The following KPNA6 variants were observed in gnomAD, a reference collection of about 807,000 sequenced individuals.
KPNA6 encodes karyopherin subunit alpha 6.
Under a neutral mutation model 72.0 loss-of-function variants are expected in KPNA6, and 9 were observed. The ratio of observed to expected loss-of-function variants is 0.13; its 90% CI spans 0.08 to 0.22. The LOEUF (loss-of-function observed/expected upper bound fraction) is 0.22. Among genes scored for constraint, KPNA6 ranks in the 10% least tolerant of loss-of-function variants. KPNA6 has a pLI of 1.00. For missense variants in KPNA6, 374 were observed against 655.7 expected (o/e 0.57, Z 4.69); for synonymous variants, 219 against 242.1 (o/e 0.90, Z 0.89).
intron 1 of KPNA6, among the ~76,000 whole-genome samples, chr1:32,152,610 C>A (rs1341933941): frequency 1.3e-5 from 2 of 152,050 alleles, no homozygotes; most frequent in Admixed American, 6.6e-5. Flanking sequence ...CTTTGGGAGG[C>A]CGAGGCAGGT....
rs1162928871 is a variant in KPNA6, at chr1:32,171,090, C to T, written c.*196C>T. The T allele has an allele frequency of 2.1e-5, 12 of 583,354 alleles. No homozygotes were observed. In the East Asian group the frequency reaches 3.4e-4, roughly 16 times the overall value. The allele number at this position is 583,354 out of a possible 1,614,324, so 36.1% of individuals were successfully genotyped here. ...TGGACAGACAGAACCATCTGAGGCTCACCTTTGGGTTTTGTGACAAGAAGG... is the reference window on the plus strand; with the variant it reads ...TGGACAGACAGAACCATCTGAGGCTTACCTTTGGGTTTTGTGACAAGAAGG... On this transcript the variant is annotated 3_prime_UTR_variant, in exon 14 of 14. Transcript: ENST00000373625.
intron 1 of KPNA6, chr1:32,142,875 C>T: frequency 8.8e-7 from 1 of 1,140,072 alleles, no homozygotes; most frequent in Non-Finnish European, 1.2e-6. Context: ...CCAGTGAAGT[C>T]ATAAGCAAAT....
In KPNA6 at chr1:32,173,173, TAAAAAAAA is replaced by T. The variant is rs60616241; in HGVS notation, c.*2293_*2300del. On this transcript the variant is annotated 3_prime_UTR_variant, in exon 14 of 14. Transcript: ENST00000373625. The stretch of plus-strand genomic sequence containing the variant: ...ATTAAAAAACCATTCTCTTACAGTT[TAAAAAAAA>T]AAAAAAAAAAAAAGCCTTCCCCTAC... 4.7e-5 allele frequency: 15 copies of T among 320,142 alleles called. No individual in the cohort carries two copies. Among genetic ancestry groups the T allele is most frequent in the African/African-American group, 3.7e-4 (12 of 32,770 alleles). The allele number at this position is 320,142 out of a possible 1,614,324, so 19.8% of individuals were successfully genotyped here. A position where few individuals can be genotyped will look rare whatever the true frequency, so the allele number is the denominator to read the frequency against.
At chr1:32,112,166 T>C (rs1641252882) in intron 1 of KPNA6, among the ~76,000 whole-genome samples, 1 of 152,218 alleles carries the variant, frequency 6.6e-6, no homozygotes, top group Admixed American at 6.6e-5. Flanking sequence ...TGCCAGCTTT[T>C]ATTTTATTAT....
chr1:32,143,647 A>G (rs1380706149), intron 1 of KPNA6, among the ~76,000 whole-genome samples: 8 of 152,060 alleles, frequency 5.3e-5, no homozygotes, highest in African/African-American at 1.9e-4. Context: ...ATTTAAGTGT[A>G]CAATACAGTG....
intron 1 of KPNA6, among the ~76,000 whole-genome samples, chr1:32,145,482 G>A (rs1641914575): frequency 6.6e-6 from 1 of 151,626 alleles, no homozygotes; most frequent in Non-Finnish European, 1.5e-5. Flanking sequence ...CCGCCACCAT[G>A]CCTGGCTAAT....
At chr1:32,163,575 T>C (rs1642280677) in intron 10 of KPNA6, among the ~76,000 whole-genome samples, 1 of 152,246 alleles carries the variant, frequency 6.6e-6, no homozygotes, top group Non-Finnish European at 1.5e-5. Flanking sequence ...GTGGAATAAC[T>C]GGACTTACCA....
intron 1 of KPNA6, among the ~76,000 whole-genome samples, chr1:32,150,749 C>T (rs1642016818): frequency 6.6e-6 from 1 of 152,116 alleles, no homozygotes; most frequent in Admixed American, 6.5e-5. Flanking sequence ...GCCTCAGCCT[C>T]CCGAGTAGCT....
chr1:32,162,076 G>A, intron 8 of KPNA6, 30 bp downstream of exon 8: 1 of 1,534,220 alleles, frequency 6.5e-7, no homozygotes, highest in Non-Finnish European at 9.0e-7. Flanking sequence ...GACCCTGAGT[G>A]ACATCAGGTT....
At chr1:32,127,068 C>T (rs1641549732) in intron 1 of KPNA6, among the ~76,000 whole-genome samples, 1 of 152,102 alleles carries the variant, frequency 6.6e-6, no homozygotes, top group Admixed American at 6.6e-5. Flanking sequence ...CTCCTTAATC[C>T]TACAGGGCCC....
chr1:32,161,713 T>C (rs1642241143), intron 7 of KPNA6, among the ~76,000 whole-genome samples: 1 of 152,248 alleles, frequency 6.6e-6, no homozygotes, highest in Admixed American at 6.5e-5. Context: ...TCTAGCCCTC[T>C]GTTTCGTCCC....
intron 2 of KPNA6, among the ~76,000 whole-genome samples, chr1:32,156,257 A>T (rs1024990043): frequency 6.6e-6 from 1 of 151,992 alleles, no homozygotes; most frequent in Non-Finnish European, 1.5e-5. Flanking sequence ...TGTGGAATAC[A>T]TTCCAGGACC....
chr1:32,170,173 G>A (rs1306188133), intron 13 of KPNA6, 113 bp downstream of exon 13: 1 of 889,234 alleles, frequency 1.1e-6, no homozygotes, highest in African/African-American at 1.7e-5. Context: ...TAGCTTCCAT[G>A]AGACTGATGT....
intron 1 of KPNA6, among the ~76,000 whole-genome samples, chr1:32,150,926 G>A (rs1400786489): frequency 1.3e-5 from 2 of 151,484 alleles, no homozygotes; most frequent in Non-Finnish European, 3.0e-5. Flanking sequence ...CGCCCCGGCT[G>A]TTTTTGTTTT....
intron 1 of KPNA6, among the ~76,000 whole-genome samples, chr1:32,132,257 C>T (rs1370779758): frequency 1.3e-5 from 2 of 151,978 alleles, no homozygotes; most frequent in Non-Finnish European, 2.9e-5. Context: ...AGGTATGAGT[C>T]ACCATGCCCG....
intron 1 of KPNA6, among the ~76,000 whole-genome samples, chr1:32,112,553 C>T (rs914918166): frequency 2.0e-5 from 3 of 152,060 alleles, no homozygotes; most frequent in East Asian, 1.9e-4. Flanking sequence ...AGTGCAATGG[C>T]GTGATCTCGG....
At chr1:32,121,024 G>A (rs1641424830) in intron 1 of KPNA6, among the ~76,000 whole-genome samples, 1 of 152,082 alleles carries the variant, frequency 6.6e-6, no homozygotes, top group Non-Finnish European at 1.5e-5. Context: ...TTACAGGCAT[G>A]TGCCACCATG....
At chr1:32,167,318 G>T in intron 12 of KPNA6, 22 bp downstream of exon 12, 1 of 1,613,674 alleles carries the variant, frequency 6.2e-7, no homozygotes, top group Non-Finnish European at 8.5e-7. Flanking sequence ...CTTTCCCGTT[G>T]TCTTGAATGA....
chr1:32,113,454 G>GT (rs1024207876), intron 1 of KPNA6, among the ~76,000 whole-genome samples: 5 of 151,574 alleles, frequency 3.3e-5, no homozygotes, highest in African/African-American at 7.3e-5. Flanking sequence ...ATGTATATAT[G>GT]TTTTTTTTAT....
Sources: allele counts gnomAD v4.1 joint callset (sites outside exome capture counted in the v4.1 genomes callset), GRCh38; gene constraint gnomAD v4.1.1; transcripts MANE v1.5; gene names NCBI Gene and HGNC (gene_info 2026-07-23, HGNC 2026-07-21).